The following NT5DC1 variants were observed in gnomAD, a reference collection of about 807,000 sequenced individuals.
The protein encoded by NT5DC1 is 5'-nucleotidase domain-containing protein 1.
In NT5DC1, 42 loss-of-function variants were observed where a neutral mutation model predicts 59.4. The observed-to-expected ratio is 0.71, with a 90% CI of 0.55 to 0.92. The LOEUF is 0.92. Among genes scored for constraint, NT5DC1 ranks in the 40% least tolerant of loss-of-function variants. NT5DC1 has a pLI of 0.00. For missense variants in NT5DC1, 501 were observed against 537.1 expected (o/e 0.93, Z 0.66); for synonymous variants, 172 against 188.1 (o/e 0.91, Z 0.70).
At chr6:116,187,374 A>G (rs1781023091) in intron 6 of NT5DC1, among the ~76,000 whole-genome samples, 1 of 152,082 alleles carries the variant, frequency 6.6e-6, no homozygotes, top group African/African-American at 2.4e-5. Flanking sequence ...GCCACAATTT[A>G]TATGGAAATG....
chr6:116,137,274 G>A (rs1471667792), intron 6 of NT5DC1: 1 of 156,210 alleles, frequency 6.4e-6, no homozygotes, highest in African/African-American at 2.4e-5. Flanking sequence ...ATATAGAAAG[G>A]ACTGCTGTGC....
rs531713519 is a variant in NT5DC1 at position 116,241,855 on chromosome 6, G to A, written c.1253-2054G>A. Among the ~76,000 whole-genome samples, 23 of 144,024 alleles carry A rather than the reference G, an allele frequency of 1.6e-4. No individual in the cohort carries two copies. In the East Asian group the frequency reaches 4.2e-3, roughly 26 times the overall value. 94.5% of individuals were successfully genotyped at this position (144,024 alleles called of 152,430 possible). A position where few individuals can be genotyped will look rare whatever the true frequency, so the allele number is the denominator to read the frequency against. On this transcript the variant is annotated intron_variant, in intron 11 of 11. Transcript: ENST00000319550. ...GGAGAATGGCATGAACCCGGGGGGC[G>A]GAGCTTGCAGTGAGCCGAGATCGCG... is the stretch of plus-strand genomic sequence containing the variant.
chr6:116,121,203 C>A lies in NT5DC1; in HGVS notation c.529+3258C>A, dbSNP rs777254139. Reference sequence around the variant, plus strand: ...GCAGGTCCTCTTTCTCCCTTCAGGCCTGGCAAGCCTGGTTTCCCAAAGCCA... The same window carrying A: ...GCAGGTCCTCTTTCTCCCTTCAGGCATGGCAAGCCTGGTTTCCCAAAGCCA... On this transcript the variant is annotated intron_variant, in intron 6 of 11. Coordinates refer to ENST00000319550, the MANE Select transcript of NT5DC1 (RefSeq NM_152729.3). 7.4e-6 allele frequency: 12 copies of A among 1,613,604 alleles called. No homozygotes were observed. The highest frequency in any genetic ancestry group is 1.0e-5 in the Non-Finnish European group (12 of 1,179,886).
At chr6:116,135,852 TATATATATATATATATATATACACAC>T (rs1338360466) in intron 6 of NT5DC1, among the ~76,000 whole-genome samples, 1 of 115,676 alleles carries the variant, frequency 8.6e-6, no homozygotes, top group African/African-American at 3.6e-5. Flanking sequence ...TATATATATA[TATATATATATATATATATATACACAC>T]ATACACACAC....
chr6:116,211,602 T>G (rs1022730935), intron 6 of NT5DC1, among the ~76,000 whole-genome samples: 2 of 152,064 alleles, frequency 1.3e-5, no homozygotes, highest in African/African-American at 4.8e-5. Context: ...GCCAAATAAG[T>G]ATAAATGTAT....
chr6:116,220,649 A>G (rs1344584884), intron 6 of NT5DC1, among the ~76,000 whole-genome samples: 1 of 152,178 alleles, frequency 6.6e-6, no homozygotes, highest in African/African-American at 2.4e-5. Flanking sequence ...TCCTGGTGCA[A>G]TATCTGAGTG....
intron 1 of NT5DC1, among the ~76,000 whole-genome samples, chr6:116,101,414 T>C (rs1267093553): frequency 2.0e-5 from 3 of 152,094 alleles, no homozygotes; most frequent in African/African-American, 7.2e-5. Flanking sequence ...CACCAGCTGA[T>C]TGTGGACACA....
intron 5 of NT5DC1, among the ~76,000 whole-genome samples, chr6:116,117,243 A>G (rs1274851352): frequency 6.6e-6 from 1 of 152,214 alleles, no homozygotes; most frequent in Non-Finnish European, 1.5e-5. Flanking sequence ...TTTAGACTTT[A>G]TAACGAGTGG....
chr6:116,158,370 GA>G lies in NT5DC1; in HGVS notation c.529+40435del, dbSNP rs530173298. 3.0e-3 allele frequency among the ~76,000 whole-genome samples: 444 copies of G among 146,080 alleles called. 8 individuals carry two copies. The highest frequency in any genetic ancestry group is 1.9e-3 in the South Asian group (9 of 4,646). ...CTACTCAAGCTTCTCTTCAAATCCA[GA>G]AAAAAAAAAGTATTGAGTTTATAAA... On this transcript the variant is annotated intron_variant, in intron 6 of 11. Transcript: ENST00000319550.
At chr6:116,194,026 A>G (rs1225519084) in intron 6 of NT5DC1, among the ~76,000 whole-genome samples, 1 of 152,048 alleles carries the variant, frequency 6.6e-6, no homozygotes, top group Non-Finnish European at 1.5e-5. Flanking sequence ...CAGCCTGGGC[A>G]ACAGAGTGAA....
intron 6 of NT5DC1, among the ~76,000 whole-genome samples, chr6:116,194,420 G>GA (rs1781183748): frequency 6.6e-6 from 1 of 151,966 alleles, no homozygotes; most frequent in African/African-American, 2.4e-5. Flanking sequence ...ACAATTTCGG[G>GA]AAAAAAATGG....
intron 6 of NT5DC1, among the ~76,000 whole-genome samples, chr6:116,211,142 T>G (rs1781569727): frequency 6.6e-6 from 1 of 152,046 alleles, no homozygotes; most frequent in South Asian, 2.1e-4. Context: ...GAGACCCAAA[T>G]GCAGAGAGAA....
chr6:116,162,988 G>A (rs200203725), intron 6 of NT5DC1, among the ~76,000 whole-genome samples: 11 of 151,486 alleles, frequency 7.3e-5, no homozygotes, highest in East Asian at 1.9e-4. Context: ...TTAGCCAGGC[G>A]TGGCGGCAGG....
chr6:116,132,011 T>C (rs1779479548), intron 6 of NT5DC1, among the ~76,000 whole-genome samples: 1 of 152,192 alleles, frequency 6.6e-6, no homozygotes, highest in Non-Finnish European at 1.5e-5. Flanking sequence ...TATCTTATTG[T>C]TTTTTATGGC....
In NT5DC1 at chr6:116,238,352, A is replaced by G; in HGVS notation, c.1083+4A>G. ...AGAGAAGAAAGGAAAATATGAGGTAAGGGTTCCCTGCAGCTCTTTCCTTGA... is the reference window on the plus strand; with the variant it reads ...AGAGAAGAAAGGAAAATATGAGGTAGGGGTTCCCTGCAGCTCTTTCCTTGA... On this transcript the variant is annotated splice_donor_region_variant and intron_variant, in intron 10 of 11. Transcript: ENST00000319550. The G allele has an allele frequency of 6.3e-7, 1 of 1,580,738 alleles. No homozygotes were observed. The highest frequency in any genetic ancestry group is 8.6e-7 in the Non-Finnish European group (1 of 1,166,434).
chr6:116,138,453 A>G (rs1278636816), intron 6 of NT5DC1, among the ~76,000 whole-genome samples: 1 of 152,212 alleles, frequency 6.6e-6, no homozygotes, highest in African/African-American at 2.4e-5. Context: ...CAAATTGGTG[A>G]ACACTGTTTT....
At chr6:116,103,777 G>A (rs1402908406) in intron 1 of NT5DC1, among the ~76,000 whole-genome samples, 1 of 152,184 alleles carries the variant, frequency 6.6e-6, no homozygotes, top group East Asian at 1.9e-4. Context: ...TTCTAGAAGA[G>A]AGGATGACAC....
intron 6 of NT5DC1, among the ~76,000 whole-genome samples, chr6:116,154,459 C>G (rs1228481127): frequency 6.6e-6 from 1 of 151,998 alleles, no homozygotes; most frequent in Non-Finnish European, 1.5e-5. Flanking sequence ...ATACTCCTTG[C>G]TACAGGTGAT....
At chr6:116,243,566 C>T (rs960159381) in intron 11 of NT5DC1, among the ~76,000 whole-genome samples, 12 of 152,116 alleles carry the variant, frequency 7.9e-5, no homozygotes, top group African/African-American at 2.7e-4. Flanking sequence ...CCTGGTACAT[C>T]CCTTTTGCCT....
Sources: gnomAD v4.1 joint callset for allele counts (sites outside exome capture counted in the v4.1 genomes callset) on GRCh38, gnomAD v4.1.1 for gene constraint, MANE v1.5 for transcripts, NCBI Gene and HGNC (gene_info 2026-07-23, HGNC 2026-07-21) for gene names.